The following PLEKHG4B variants were observed in gnomAD, a reference collection of about 807,000 sequenced individuals.
PLEKHG4B encodes the protein pleckstrin homology and RhoGEF domain containing G4B, also known as pleckstrin homology domain-containing family G member 4B.
PLEKHG4B carries 111 observed loss-of-function variants against 121.3 expected under a neutral mutation model. The observed-to-expected ratio is 0.92, with a 90% CI of 0.78 to 1.07. The LOEUF is 1.07. Ranked by LOEUF, PLEKHG4B falls within the 50% of genes least tolerant of loss-of-function variation. PLEKHG4B has a pLI of 0.00. For synonymous variants in PLEKHG4B, 738 were observed against 725.0 expected (o/e 1.02, Z -0.29); for missense variants, 1,831 against 1,757.8 (o/e 1.04, Z -0.74).
intron 7 of PLEKHG4B, among the ~76,000 whole-genome samples, chr5:153,504 G>C (rs1209077885): frequency 1.3e-5 from 2 of 152,106 alleles, no homozygotes; most frequent in Non-Finnish European, 2.9e-5. Flanking sequence ...ATGTATGCAC[G>C]GTTCAGGGTC....
In PLEKHG4B at chr5:169,606, A is replaced by C; in HGVS notation, c.3729+14A>C. 1 of 1,610,720 alleles carries C rather than the reference A, an allele frequency of 6.2e-7. No homozygotes were observed. Among genetic ancestry groups the C allele is most frequent in the Non-Finnish European group, 8.5e-7 (1 of 1,179,426 alleles). ...TTCCTGAGACACGTAAGTGCAGGCC[A>C]TGGCGTGGGTGCCGGGCAACGTGGT... On this transcript the variant is annotated intron_variant, in intron 14 of 19. Coordinates refer to ENST00000637938, the MANE Select transcript of PLEKHG4B (RefSeq NM_052909.5).
In PLEKHG4B at chr5:169,356, A is replaced by C; in HGVS notation, c.3493A>C (p.Ile1165Leu). 6.2e-7 allele frequency: 1 copy of C among 1,614,078 alleles called. No homozygotes were observed. The highest frequency in any genetic ancestry group is 8.5e-7 in the Non-Finnish European group (1 of 1,180,036). Residue 1165 changes from isoleucine (I) to leucine (L), a missense_variant, in exon 14 of 20, where the codon ATC (isoleucine) becomes CTC (leucine). By Grantham distance (5) the Ile-to-Leu change is conservative. Coordinates refer to ENST00000637938, the MANE Select transcript of PLEKHG4B (RefSeq NM_052909.5). ...GTCTTCCAGCAGCCGACTGAGGCAC[A>C]TCATGGCCGAGATGATCGCCACAGA... ...QQVGSSRLRHIMAEMIATERE... is the reference protein window; with the variant it reads ...QQVGSSRLRHLMAEMIATERE...
Position 155,381 on chromosome 5 carries a change from AT to A in PLEKHG4B, c.2147del (p.Ile716ThrfsTer11), listed in dbSNP as rs1405137984. ...EHFAANCEEAIIFLQNSFCSL... is the reference protein window; with the variant it reads ...EHFAANCEEAXIFLQNSFCSL... ...CTTCGCTGCAAACTGTGAAGAAGCC[AT>A]CATTTTCCTACAGAATTCATTCTGC... On this transcript the variant is annotated frameshift_variant, in exon 9 of 20. Coordinates refer to ENST00000637938, the MANE Select transcript of PLEKHG4B (RefSeq NM_052909.5). LOFTEE classifies it high-confidence loss of function. 6.2e-7 allele frequency: 1 copy of A among 1,614,230 alleles called. No homozygotes were observed. Among genetic ancestry groups the A allele is most frequent in the South Asian group, 1.1e-5 (1 of 91,086 alleles).
At chr5:171,541 T>A (rs1396997051) in intron 16 of PLEKHG4B, 97 bp downstream of exon 16, 1 of 1,214,974 alleles carries the variant, frequency 8.2e-7, no homozygotes, top group Admixed American at 2.3e-5. Flanking sequence ...TTCTTGGTGA[T>A]GTGCTGGCAG....
At position 140,548 on chromosome 5, in the gene PLEKHG4B, T is replaced by C. The variant is rs754164669; in HGVS notation, c.1309T>C (p.Ser437Pro). 4 of 1,604,022 alleles carry C rather than the reference T, an allele frequency of 2.5e-6. No homozygotes were observed. In the South Asian group the frequency reaches 4.5e-5, roughly 18 times the overall value. Residue 437 changes from serine to proline, a missense_variant, in exon 3 of 20, where the codon TCT becomes CCT. By Grantham distance (74) the Ser-to-Pro change is moderately conservative (BLOSUM62 -1). Transcript: ENST00000637938. ...GAAGRTLPRR[S>P]RSWERAPRSS... ...TGCAGGGCGGACTCTTCCCAGGAGA[T>C]CTCGGTCCTGGGAAAGGGCACCCAG...
rs1733591078 is a variant in PLEKHG4B, at chr5:185,238, C to G, written c.*2915C>G. The G allele has an allele frequency of 2.0e-5, 3 of 152,208 alleles. No individual in the cohort carries two copies. Among genetic ancestry groups the G allele is most frequent in the South Asian group, 2.1e-4 (1 of 4,828 alleles). The allele number at this position is 152,208 out of a possible 1,614,324, so 9.4% of individuals were successfully genotyped here. A position where few individuals can be genotyped will look rare whatever the true frequency, so the allele number is the denominator to read the frequency against. The stretch of plus-strand genomic sequence containing the variant: ...CACTGGCCATCACAGCAAACACAAG[C>G]AGGGCGCAGGACGCCGGCAAGCCAC... On this transcript the variant is annotated 3_prime_UTR_variant, in exon 20 of 20. Transcript: ENST00000637938.
At chr5:165,674 C>T (rs1410863313) in intron 13 of PLEKHG4B, among the ~76,000 whole-genome samples, 1 of 38,686 alleles carries the variant, frequency 2.6e-5, no homozygotes, top group Non-Finnish European at 6.4e-5. Context: ...TCTGACGGGG[C>T]GGGGCTCACA....
At position 139,262 on chromosome 5, in the gene PLEKHG4B, A is replaced by G. The variant is rs574885464; in HGVS notation, c.244-221A>G. 6.6e-6 allele frequency among the ~76,000 whole-genome samples: 1 copy of G among 152,182 alleles called. No individual in the cohort carries two copies. Among genetic ancestry groups the G allele is most frequent in the African/African-American group, 2.4e-5 (1 of 41,532 alleles). On this transcript the variant is annotated intron_variant, in intron 2 of 19. Transcript: ENST00000637938. The surrounding 1 kb of genome is among the most constrained non-coding windows in gnomAD (Gnocchi z 5.0). The stretch of plus-strand genomic sequence containing the variant: ...CCCAGCCTCCAGGAAGAGCTATACA[A>G]TTGCTTTTTTAACTGACCCCTGAAC...
intron 2 of PLEKHG4B, among the ~76,000 whole-genome samples, chr5:125,110 G>A (rs1734575288): frequency 1.3e-5 from 2 of 152,170 alleles, no homozygotes; most frequent in Non-Finnish European, 2.9e-5. Context: ...TCCAGCCTGA[G>A]TGACAGAGTG....
chr5:150,840 C>T lies in PLEKHG4B; in HGVS notation c.1906-673C>T, dbSNP rs149399646. On this transcript the variant is annotated intron_variant, in intron 6 of 19. Coordinates refer to ENST00000637938, the MANE Select transcript of PLEKHG4B (RefSeq NM_052909.5). Reference sequence around the variant, plus strand: ...TTACTTATCACATGAGCCAGAAATCCCACTCCTAGATATTTATCCAAGAGA... The same window carrying T: ...TTACTTATCACATGAGCCAGAAATCTCACTCCTAGATATTTATCCAAGAGA... Among the ~76,000 whole-genome samples the T allele has an allele frequency of 2.7e-3, 416 of 152,240 alleles. 4 individuals carry two copies. The highest frequency in any genetic ancestry group is 9.5e-3 in the African/African-American group (393 of 41,542).
At chr5:147,047 G>A (rs1224515210) in intron 6 of PLEKHG4B, among the ~76,000 whole-genome samples, 1 of 152,160 alleles carries the variant, frequency 6.6e-6, no homozygotes, top group Non-Finnish European at 1.5e-5. Flanking sequence ...GGGTGGCTGG[G>A]CCAGCAGAAA....
intron 6 of PLEKHG4B, among the ~76,000 whole-genome samples, chr5:148,034 TC>T (rs1476418657): frequency 6.6e-6 from 1 of 152,142 alleles, no homozygotes; most frequent in Admixed American, 6.5e-5. Context: ...TCAACATCTT[TC>T]ATGATGAAAG....
At chr5:165,927 G>A (rs1448152398) in intron 13 of PLEKHG4B, among the ~76,000 whole-genome samples, 1 of 16,874 alleles carries the variant, frequency 5.9e-5, no homozygotes, top group Non-Finnish European at 1.6e-4. Context: ...CTGACGGGGC[G>A]GGGCTCACAG....
chr5:135,678 AAAAAATATATATATAT>A (rs1176012584), intron 2 of PLEKHG4B, among the ~76,000 whole-genome samples: 36 of 51,686 alleles, frequency 7.0e-4, no homozygotes, highest in Non-Finnish European at 1.1e-3. Context: ...AAAAAAAAAA[AAAAAATATATATATAT>A]ATATATATAT....
At position 156,034 on chromosome 5, in the gene PLEKHG4B, A is replaced by G; in HGVS notation, c.2209-37A>G. 6.7e-7 allele frequency: 1 copy of G among 1,501,684 alleles called. No individual in the cohort carries two copies. Among genetic ancestry groups the G allele is most frequent in the African/African-American group, 1.4e-5 (1 of 70,732 alleles). 93.0% of individuals were successfully genotyped at this position (1,501,684 alleles called of 1,614,324 possible). On this transcript the variant is annotated intron_variant, in intron 9 of 19. Transcript: ENST00000637938. This position sits in a 1 kb window ranked among gnomAD's most constrained non-coding sequence, Gnocchi z 4.4. ...CTTGGGAGGACCTGCCCCTTGGAGG[A>G]GGGAGTTAAAGGCTTATTCCTCCCC...
At position 139,063 on chromosome 5, in the gene PLEKHG4B, G is replaced by A. The variant is rs1487099413; in HGVS notation, c.244-420G>A. ...CCACAGGGAGCACCGGGAGTGCAGA[G>A]GAGGGAGCCCCCCATAGGGTGGCCC... On this transcript the variant is annotated intron_variant, in intron 2 of 19. Transcript: ENST00000637938. The surrounding 1 kb of genome is among the most constrained non-coding windows in gnomAD (Gnocchi z 5.0). Among the ~76,000 whole-genome samples the A allele has an allele frequency of 6.6e-6, 1 of 152,216 alleles. No individual in the cohort carries two copies. Among genetic ancestry groups the A allele is most frequent in the Non-Finnish European group, 1.5e-5 (1 of 68,034 alleles).
intron 11 of PLEKHG4B, among the ~76,000 whole-genome samples, chr5:158,546 A>C (rs1314403321): frequency 5.2e-4 from 43 of 82,076 alleles, no homozygotes; most frequent in South Asian, 9.5e-4. Context: ...GGTCTCCCCC[A>C]TCTCCCCCTC....
intron 2 of PLEKHG4B, among the ~76,000 whole-genome samples, chr5:125,612 A>T (rs1734591075): frequency 6.6e-6 from 1 of 152,212 alleles, no homozygotes; most frequent in African/African-American, 2.4e-5. Context: ...TTAGTGTCTT[A>T]AATCATGTAG....
chr5:163,315 G>A lies in PLEKHG4B; in HGVS notation c.3243G>A (p.Lys1081=). The change falls in exon 13 of 20, where the codon AAG becomes AAA. Residue 1081 remains lysine, a synonymous_variant. Transcript: ENST00000637938. ...PRKHPQKKMI[K]KTQSFEIPQP... ...AACATCCCCAGAAGAAAATGATAAA[G>A]AAAACGCAAAGTTTCGAGATACCTC... The A allele has an allele frequency of 6.2e-7, 1 of 1,613,266 alleles. No homozygotes were observed. Among genetic ancestry groups the A allele is most frequent in the Non-Finnish European group, 8.5e-7 (1 of 1,179,932 alleles).
Sources: gnomAD v4.1 joint callset for allele counts (sites outside exome capture counted in the v4.1 genomes callset) on GRCh38, gnomAD v4.1.1 for gene constraint, Gnocchi (gnomAD v3.1) non-coding constraint, MANE v1.5 for transcripts, NCBI Gene and HGNC (gene_info 2026-07-23, HGNC 2026-07-21) for gene names.